The following KAT5 variants were observed in gnomAD, a reference collection of about 807,000 sequenced individuals.
KAT5 encodes the protein histone acetyltransferase KAT5.
In KAT5, 31 loss-of-function variants were observed where a neutral mutation model predicts 68.1. The ratio of observed to expected loss-of-function variants is 0.46; its 90% confidence interval spans 0.34 to 0.61. KAT5 has a LOEUF of 0.61. Ranked by LOEUF, KAT5 falls within the 20% of genes least tolerant of loss-of-function variation. The pLI is 0.01. For missense variants in KAT5, 451 were observed against 725.5 expected (o/e 0.62, Z 4.35); for synonymous variants, 365 against 292.6 (o/e 1.25, Z -2.52).
At chr11:65,716,868 T>C in intron 9 of KAT5, 21 bp from the exon 10 acceptor site, 1 of 1,613,590 alleles carries the variant, frequency 6.2e-7, no homozygotes, top group South Asian at 1.1e-5. Flanking sequence ...TCCCTGACAC[T>C]CACCTGTCCC....
chr11:65,716,869 C>CA lies in KAT5; in HGVS notation c.1171-19dup. 1 of 1,613,394 alleles carries CA rather than the reference C, an allele frequency of 6.2e-7. No individual in the cohort carries two copies. Among genetic ancestry groups the CA allele is most frequent in the African/African-American group, 1.3e-5 (1 of 75,036 alleles). On this transcript the variant is annotated intron_variant, in intron 9 of 12. Transcript: ENST00000341318. ...TGAGCCAGATCCCTTCCCTGACACT[C>CA]ACCTGTCCCCCTTCTCCAGGAGAAA...
At position 65,719,147 on chromosome 11, in the gene KAT5, C is replaced by T; in HGVS notation, c.1607C>T (p.Thr536Ile). ...ATCGACTCCAAGTGTCTGCACTTCA[C>T]TCCCAAGGACTGGAGCAAGAGGGGG... The part of the protein sequence containing the change: ...LRIDSKCLHF[T>I]PKDWSKRGKW Residue 536 changes from threonine to isoleucine, a missense_variant, in exon 13 of 13, where the codon ACT becomes ATT. By Grantham distance (89) the Thr-to-Ile change is moderately conservative. Around this residue, in one of 4 missense-constraint regions of KAT5, gnomAD observed 210 missense variants for 423.7 expected, o/e 0.50. Transcript: ENST00000341318. The T allele has an allele frequency of 6.2e-7, 1 of 1,614,192 alleles. No individual in the cohort carries two copies. Among genetic ancestry groups the T allele is most frequent in the Non-Finnish European group, 8.5e-7 (1 of 1,180,038 alleles).
At chr11:65,713,303 C>A in intron 3 of KAT5, 45 bp from the exon 4 acceptor site, 1 of 1,596,828 alleles carries the variant, frequency 6.3e-7, no homozygotes, top group Non-Finnish European at 8.6e-7. Flanking sequence ...CCCCATCCCA[C>A]TGCCATCCCC....
Position 65,714,009 on chromosome 11 carries a change from T to C in KAT5, c.690+161T>C, listed in dbSNP as rs531269682. 84 of 679,946 alleles carry C rather than the reference T, an allele frequency of 1.2e-4. No individual in the cohort carries two copies. The Admixed American group carries it at 1.8e-3, about 14-fold the overall frequency. 42.1% of individuals were successfully genotyped at this position (679,946 alleles called of 1,614,324 possible). ...GGCAGAACATTGTTCAAATGAGTCA[T>C]TGGGGCCGGGCACCATGGCTCATAC... On this transcript the variant is annotated intron_variant, in intron 6 of 12. Transcript: ENST00000341318.
chr11:65,714,386 C>T (rs1235158215), intron 6 of KAT5, 109 bp from the exon 7 acceptor site: 18 of 1,253,884 alleles, frequency 1.4e-5, no homozygotes, highest in East Asian at 4.7e-5. Context: ...TGGTACCTCC[C>T]CCTTAGGGTT....
chr11:65,713,982 C>G (rs1857115039), intron 6 of KAT5, 134 bp downstream of exon 6: 1 of 814,582 alleles, frequency 1.2e-6, no homozygotes, highest in East Asian at 2.7e-5. Context: ...GATTAGGAGA[C>G]AGGCAGAACA....
rs774675017 is a variant in KAT5, at chr11:65,713,715, T to C, written c.615+48T>C. 4 of 1,613,740 alleles carry C rather than the reference T, an allele frequency of 2.5e-6. No individual in the cohort carries two copies. The Admixed American group carries it at 6.7e-5, about 27-fold the overall frequency. ...TGTTCTCTTCCTCTCTTCTACTCTC[T>C]GGTGGCTTTTTTCAGGCTCATTTCA... On this transcript the variant is annotated intron_variant, in intron 5 of 12. Coordinates refer to ENST00000341318, the MANE Select transcript of KAT5 (RefSeq NM_182710.3).
At chr11:65,712,150 C>T, upstream of KAT5, 2 of 1,015,538 alleles carry the variant, frequency 2.0e-6, no homozygotes, top group Non-Finnish European at 1.3e-6. Context: ...AGCTGGGTCG[C>T]GGTGTCTCTC....
chr11:65,714,920 TGA>T lies in KAT5; in HGVS notation c.1029+14_1029+15del. ...TGGACGTAAGAACAAGGTTAGTGCT[TGA>T]GAGGCAGTGAGGCGCTGGGGTGAAT... On this transcript the variant is annotated intron_variant, in intron 8 of 12. Transcript: ENST00000341318. The T allele has an allele frequency of 1.2e-6, 2 of 1,607,668 alleles. No homozygotes were observed. Among genetic ancestry groups the T allele is most frequent in the Non-Finnish European group, 1.7e-6 (2 of 1,174,048 alleles).
At position 65,717,006 on chromosome 11, in the gene KAT5, G is replaced by C. The variant is rs181188493; in HGVS notation, c.1264+24G>C. Reference sequence around the variant, plus strand: ...CAGTGAGTATGTGTGCTGCGGCCAGGGGGTAGTGGACCCACTATCGGTGCC... The same window carrying C: ...CAGTGAGTATGTGTGCTGCGGCCAGCGGGTAGTGGACCCACTATCGGTGCC... On this transcript the variant is annotated intron_variant, in intron 10 of 12. Transcript: ENST00000341318. The C allele has an allele frequency of 2.0e-5, 31 of 1,568,792 alleles. No homozygotes were observed. In the East Asian group the frequency reaches 2.0e-4, roughly 10 times the overall value.
intron 8 of KAT5, chr11:65,715,119 T>G: frequency 3.4e-6 from 2 of 584,018 alleles, no homozygotes; most frequent in Non-Finnish European, 6.2e-6. Context: ...ACCAATGACC[T>G]CTAGCTCCCA....
At chr11:65,718,272 G>T in intron 10 of KAT5, 1 of 258,746 alleles carries the variant, frequency 3.9e-6, no homozygotes, top group Non-Finnish European at 7.5e-6. Context: ...AGGAAAATTG[G>T]AGGCCCCTTC....
chr11:65,719,029 C>T lies in KAT5; in HGVS notation c.1507-18C>T, dbSNP rs1264919525. ...CTCTGTGGGCTGACCACCTGCTGAA[C>T]CCATCTCCTCTGCCCAGGGCCAGTA... On this transcript the variant is annotated intron_variant, in intron 12 of 12. Transcript: ENST00000341318. 1.9e-6 allele frequency: 3 copies of T among 1,613,920 alleles called. No individual in the cohort carries two copies. In the African/African-American group the frequency reaches 4.0e-5, roughly 22 times the overall value.
Position 65,712,335 on chromosome 11 carries a change from G to A in KAT5, c.68G>A (p.Arg23Gln), listed in dbSNP as rs1179995547. 2.0e-6 allele frequency: 3 copies of A among 1,516,462 alleles called. No homozygotes were observed. Among genetic ancestry groups the A allele is most frequent in the Admixed American group, 2.8e-5 (1 of 35,548 alleles). The allele number at this position is 1,516,462 out of a possible 1,614,324, so 93.9% of individuals were successfully genotyped here. Reference protein sequence around the residue: ...RREPGEVGRARGPPVADPGVA... With the variant: ...RREPGEVGRAQGPPVADPGVA... ...GAGCCAGGGGAGGTGGGTAGAGCCCGAGGCCCCCCAGTAGCCGACCCTGGC... is the reference window on the plus strand; with the variant it reads ...GAGCCAGGGGAGGTGGGTAGAGCCCAAGGCCCCCCAGTAGCCGACCCTGGC... The change falls in exon 1 of 13, where the codon CGA (arginine) becomes CAA (glutamine). Residue 23 changes from arginine (R) to glutamine (Q), a missense_variant. Arg to Gln is a conservative substitution (Grantham distance 43). Coordinates refer to ENST00000341318, the MANE Select transcript of KAT5 (RefSeq NM_182710.3).
intron 10 of KAT5, 127 bp from the exon 11 acceptor site, chr11:65,718,463 C>A: frequency 1.1e-6 from 1 of 884,278 alleles, no homozygotes. Context: ...AAGTGGAGGG[C>A]ATAGAACTGC....
Position 65,713,335 on chromosome 11 carries a change from C to T in KAT5, c.385-13C>T. 2.5e-6 allele frequency: 4 copies of T among 1,613,674 alleles called. No homozygotes were observed. Among genetic ancestry groups the T allele is most frequent in the Non-Finnish European group, 2.5e-6 (3 of 1,179,776 alleles). ...CCCCGCCCCAAAGGAAGACCCTGGA[C>T]CTATCTCTACAGCCGGCCTCGGCGC... On this transcript the variant is annotated splice_polypyrimidine_tract_variant and intron_variant, in intron 3 of 12. Coordinates refer to ENST00000341318, the MANE Select transcript of KAT5 (RefSeq NM_182710.3).
chr11:65,714,778 C>T, intron 7 of KAT5, 35 bp downstream of exon 7: 4 of 1,614,152 alleles, frequency 2.5e-6, no homozygotes, highest in Non-Finnish European at 2.5e-6. Flanking sequence ...CTTCCCAGCA[C>T]CCTCCACGTT....
rs189262268 is a variant in KAT5, at chr11:65,716,876, C to A, written c.1171-13C>A. Reference sequence around the variant, plus strand: ...GATCCCTTCCCTGACACTCACCTGTCCCCCTTCTCCAGGAGAAAGAATCAA... The same window carrying A: ...GATCCCTTCCCTGACACTCACCTGTACCCCTTCTCCAGGAGAAAGAATCAA... On this transcript the variant is annotated splice_polypyrimidine_tract_variant and intron_variant, in intron 9 of 12. Transcript: ENST00000341318. 6.2e-7 allele frequency: 1 copy of A among 1,613,230 alleles called. No homozygotes were observed. The highest frequency in any genetic ancestry group is 8.5e-7 in the Non-Finnish European group (1 of 1,179,130).
At chr11:65,712,577 G>A (rs1200471655) in intron 1 of KAT5, 132 bp downstream of exon 1, 1 of 1,250,610 alleles carries the variant, frequency 8.0e-7, no homozygotes. Flanking sequence ...GAAGGGGCGT[G>A]GCTCTTAGCT....
Sources: gnomAD v4.1 joint callset for allele counts on GRCh38, gnomAD v4.1.1 for gene constraint, gnomAD v4.1.1 regional missense constraint, MANE v1.5 for transcripts, NCBI Gene and HGNC (gene_info 2026-07-23, HGNC 2026-07-21) for gene names.